The following SLC22A23 variants were observed in gnomAD, a reference collection of about 807,000 sequenced individuals.
SLC22A23 encodes ion transporter protein.
Under a neutral mutation model 61.0 loss-of-function variants are expected in SLC22A23, and 26 were observed. The observed-to-expected ratio is 0.43, with a 90% CI of 0.31 to 0.59. The LOEUF is 0.59. Ranked by LOEUF, SLC22A23 falls within the 20% of genes least tolerant of loss-of-function variation. SLC22A23 has a pLI of 0.11. For synonymous variants in SLC22A23, 430 were observed against 413.9 expected, an observed-to-expected ratio of 1.04 and a Z score of -0.47; for missense variants, 796 against 934.7, an observed-to-expected ratio of 0.85 and a Z score of 1.94.
At chr6:3,439,511 T>G (rs1364999098) in intron 1 of SLC22A23, 3 of 235,990 alleles carry the variant, frequency 1.3e-5, no homozygotes, top group Admixed American at 5.2e-5. Flanking sequence ...GAGCCCAGTA[T>G]GATCCACCCA....
chr6:3,299,816 G>A (rs1761450353), intron 4 of SLC22A23, among the ~76,000 whole-genome samples: 1 of 128,950 alleles, frequency 7.8e-6, no homozygotes, highest in African/African-American at 4.8e-5. Context: ...ACCCTTGACT[G>A]TTTGGGAGAG....
rs59814366 is a variant in SLC22A23, at chr6:3,331,896, C to T, written c.914-7894G>A. On this transcript the variant is annotated intron_variant, in intron 3 of 9. Transcript: ENST00000406686. ...GTCAAGCTAACTGAAGGAGCAGAGA[C>T]GGGACAGGGTGGCTTTAAGGTGGAG... is the stretch of plus-strand genomic sequence containing the variant. 9.9e-3 allele frequency among the ~76,000 whole-genome samples: 1,513 copies of T among 152,308 alleles called. 28 individuals are homozygous for T. Among genetic ancestry groups the T allele is most frequent in the African/African-American group, 0.035 (1,447 of 41,560 alleles).
At position 3,304,780 on chromosome 6, in the gene SLC22A23, C is replaced by T. The variant is rs1761857003; in HGVS notation, c.1083-6562G>A. On this transcript the variant is annotated intron_variant, in intron 4 of 9. Coordinates refer to ENST00000406686, the MANE Select transcript of SLC22A23 (RefSeq NM_015482.2). The surrounding 1 kb of genome is among the most constrained non-coding windows in gnomAD (Gnocchi z 4.3). ...CTCGTACTGCTGGAGGTGTGTGGGGCAGGACCCAGAGGTAAGGCATGGGGT... is the reference window on the plus strand; with the variant it reads ...CTCGTACTGCTGGAGGTGTGTGGGGTAGGACCCAGAGGTAAGGCATGGGGT... 6.6e-6 allele frequency among the ~76,000 whole-genome samples: 1 copy of T among 152,046 alleles called. No homozygotes were observed. The highest frequency in any genetic ancestry group is 2.1e-4 in the South Asian group (1 of 4,826).
At chr6:3,311,602 G>A (rs1461458325) in intron 4 of SLC22A23, 2 of 152,186 alleles carry the variant, frequency 1.3e-5, no homozygotes, top group African/African-American at 2.4e-5. Context: ...AGAGAGATGG[G>A]ATGAGTATCA....
chr6:3,455,240 A>T (rs1427995537), intron 1 of SLC22A23, among the ~76,000 whole-genome samples: 1 of 152,230 alleles, frequency 6.6e-6, no homozygotes, highest in Non-Finnish European at 1.5e-5. Flanking sequence ...TCAGTGCCTC[A>T]GCCCAAAGCA....
chr6:3,275,376 CAA>C (rs768110129), intron 9 of SLC22A23, among the ~76,000 whole-genome samples: 18 of 152,114 alleles, frequency 1.2e-4, no homozygotes, highest in African/African-American at 3.9e-4. Flanking sequence ...TAGAAGAAAA[CAA>C]GAGAAAAGCT....
intron 9 of SLC22A23, chr6:3,282,245 GAGCCTGC>G: frequency 1.4e-6 from 1 of 702,596 alleles, no homozygotes; most frequent in East Asian, 2.7e-5. Flanking sequence ...GACAGGGAGT[GAGCCTGC>G]GGTCGGCCTG....
chr6:3,452,599 T>TAAAAAAAAAAAAAA (rs570923626), intron 1 of SLC22A23, among the ~76,000 whole-genome samples: 1 of 40,560 alleles, frequency 2.5e-5, no homozygotes, highest in Non-Finnish European at 4.1e-5. Flanking sequence ...AGACGCTGTC[T>TAAAAAAAAAAAAAA]AAAAAAAAAA....
rs1763700285 is a variant in SLC22A23 at position 3,333,684 on chromosome 6, G to T, written c.914-9682C>A. Among the ~76,000 whole-genome samples, 1 of 152,168 alleles carries T rather than the reference G, an allele frequency of 6.6e-6. No homozygotes were observed. Among genetic ancestry groups the T allele is most frequent in the South Asian group, 2.1e-4 (1 of 4,824 alleles). On this transcript the variant is annotated intron_variant, in intron 3 of 9. Transcript: ENST00000406686. The surrounding 1 kb of genome is among the most constrained non-coding windows in gnomAD (Gnocchi z 4.1). Reference sequence around the variant, plus strand: ...AATCCCTGCCCTCTTGCTTCCCCATGTTGCGACCACACAGAGGAGAGTGCC... The same window carrying T: ...AATCCCTGCCCTCTTGCTTCCCCATTTTGCGACCACACAGAGGAGAGTGCC...
intron 3 of SLC22A23, among the ~76,000 whole-genome samples, chr6:3,367,737 CCTAA>C (rs942887187): frequency 3.3e-5 from 5 of 152,230 alleles, no homozygotes; most frequent in African/African-American, 7.2e-5. Flanking sequence ...TGGAAGAACT[CCTAA>C]CTATTTGTTA....
intron 3 of SLC22A23, among the ~76,000 whole-genome samples, chr6:3,408,049 C>T (rs563610806): frequency 4.6e-5 from 7 of 152,328 alleles, no homozygotes; most frequent in East Asian, 3.9e-4. Flanking sequence ...TTTATTAGAA[C>T]ACAGCCACAC....
chr6:3,301,174 C>T (rs1351532703), intron 4 of SLC22A23, among the ~76,000 whole-genome samples: 2 of 151,784 alleles, frequency 1.3e-5, no homozygotes, highest in Non-Finnish European at 2.9e-5. Flanking sequence ...AACACAAATG[C>T]CACCCCCCAT....
chr6:3,361,779 G>A (rs1471653578), intron 3 of SLC22A23, among the ~76,000 whole-genome samples: 1 of 152,220 alleles, frequency 6.6e-6, no homozygotes, highest in Non-Finnish European at 1.5e-5. Context: ...AGAAACATGA[G>A]GCCATCTCAA....
At chr6:3,413,856 G>A (rs542864068) in intron 2 of SLC22A23, among the ~76,000 whole-genome samples, 1 of 152,324 alleles carries the variant, frequency 6.6e-6, no homozygotes, top group African/African-American at 2.4e-5. Flanking sequence ...GAAAGGGAAG[G>A]CCACTCAAAA....
chr6:3,419,062 C>A (rs1769938590), intron 1 of SLC22A23, among the ~76,000 whole-genome samples: 1 of 152,182 alleles, frequency 6.6e-6, no homozygotes, highest in Admixed American at 6.5e-5. Flanking sequence ...CTGGTCATGT[C>A]ACTGACCAGT....
chr6:3,356,282 G>A (rs1166133895), intron 3 of SLC22A23, among the ~76,000 whole-genome samples: 2 of 151,222 alleles, frequency 1.3e-5, no homozygotes, highest in Admixed American at 6.6e-5. Context: ...CTGGCTCCTG[G>A]AAACATTCAA....
rs139780496 is a variant in SLC22A23 at position 3,317,863 on chromosome 6, C to T, written c.1082+5971G>A. On this transcript the variant is annotated intron_variant, in intron 4 of 9. Coordinates refer to ENST00000406686, the MANE Select transcript of SLC22A23 (RefSeq NM_015482.2). The surrounding 1 kb of genome is among the most constrained non-coding windows in gnomAD (Gnocchi z 4.4). ...CTCCCATTCTCTGGCCACCAGCTGC[C>T]GCAGCTCTTCCTTCACCTAAAGCCC... Among the ~76,000 whole-genome samples, 191 of 152,248 alleles carry T rather than the reference C, an allele frequency of 1.3e-3. No homozygotes were observed. The Middle Eastern group carries it at 0.017, about 14-fold the overall frequency.
At chr6:3,348,272 T>C (rs1764560958) in intron 3 of SLC22A23, among the ~76,000 whole-genome samples, 1 of 152,204 alleles carries the variant, frequency 6.6e-6, no homozygotes, top group Non-Finnish European at 1.5e-5. Flanking sequence ...TTTCTGACCA[T>C]GGCCTGGAAC....
At chr6:3,285,171 A>G (rs1759869768) in intron 7 of SLC22A23, 60 bp from the exon 8 acceptor site, 6 of 1,603,728 alleles carry the variant, frequency 3.7e-6, no homozygotes, top group African/African-American at 2.7e-5. Context: ...GAGAAGAGAG[A>G]AGAGAGCACA....
Sources: gnomAD v4.1 joint callset for allele counts (sites outside exome capture counted in the v4.1 genomes callset) on GRCh38, gnomAD v4.1.1 for gene constraint, Gnocchi (gnomAD v3.1) non-coding constraint, MANE v1.5 for transcripts, NCBI Gene and HGNC (gene_info 2026-07-23, HGNC 2026-07-21) for gene names.